Variants in IGSF3 observed in about 807,000 individuals in gnomAD.
IGSF3 encodes the protein immunoglobulin superfamily member 3.
Under a neutral mutation model 114.4 loss-of-function variants are expected in IGSF3, and 23 were observed. That is an observed-to-expected ratio of 0.20 (90% CI 0.14 to 0.28). IGSF3 has a LOEUF of 0.28. Ranked by LOEUF, IGSF3 falls within the 10% of genes least tolerant of loss-of-function variation. The pLI is 1.00. For synonymous variants in IGSF3, 571 were observed against 645.2 expected (o/e 0.88, Z 1.74); for missense variants, 1,172 against 1,591.5 (o/e 0.74, Z 4.48).
At position 116,644,866 on chromosome 1, in the gene IGSF3, G is replaced by A. The variant is rs113609013; in HGVS notation, c.43+21418C>T. On this transcript the variant is annotated intron_variant, in intron 2 of 10. Transcript: ENST00000369486. This position sits in a 1 kb window ranked among gnomAD's most constrained non-coding sequence, Gnocchi z 5.6. ...AGCAGCCAGTGACACTACGATATAG[G>A]GAAAAGAACCTAGATTAGGCATCAA... is the stretch of plus-strand genomic sequence containing the variant. Among the ~76,000 whole-genome samples the A allele has an allele frequency of 1.8e-3, 280 of 152,262 alleles. No individual in the cohort carries two copies. Among genetic ancestry groups the A allele is most frequent in the African/African-American group, 6.4e-3 (265 of 41,548 alleles).
At position 116,634,359 on chromosome 1, in the gene IGSF3, C is replaced by T. The variant is rs1165529367; in HGVS notation, c.44-17902G>A. Among the ~76,000 whole-genome samples the T allele has an allele frequency of 6.6e-6, 1 of 152,234 alleles. No homozygotes were observed. Among genetic ancestry groups the T allele is most frequent in the Non-Finnish European group, 1.5e-5 (1 of 68,040 alleles). ...GAGAACAACTAAAAAACAAGAGCCA[C>T]GTGTTCCCATGGTCCTGGCCAACCC... On this transcript the variant is annotated intron_variant, in intron 2 of 10. Transcript: ENST00000369486. This position sits in a 1 kb window ranked among gnomAD's most constrained non-coding sequence, Gnocchi z 4.2.
At position 116,594,862 on chromosome 1, in the gene IGSF3, C is replaced by T. The variant is rs1220391537; in HGVS notation, c.2029+5079G>A. Among the ~76,000 whole-genome samples the T allele has an allele frequency of 6.6e-6, 1 of 152,078 alleles. No homozygotes were observed. Among genetic ancestry groups the T allele is most frequent in the Non-Finnish European group, 1.5e-5 (1 of 68,018 alleles). ...CTGAGCCTGAAATGCTCCACTCCTC[C>T]TTCCCAACCTCCCACCCTCACCCCT... On this transcript the variant is annotated intron_variant, in intron 7 of 10. Transcript: ENST00000369486. The surrounding 1 kb of genome is among the most constrained non-coding windows in gnomAD (Gnocchi z 5.2).
chr1:116,597,576 C>G (rs1440084083), intron 7 of IGSF3, among the ~76,000 whole-genome samples: 1 of 152,186 alleles, frequency 6.6e-6, no homozygotes, highest in Non-Finnish European at 1.5e-5. Context: ...GGCCTCTTAA[C>G]AGCCCAAGTA....
intron 1 of IGSF3, 73 bp from the exon 2 acceptor site, chr1:116,667,029 G>C (rs996873402): frequency 5.1e-6 from 2 of 395,194 alleles, no homozygotes; most frequent in African/African-American, 4.1e-5. Flanking sequence ...CGCTGAGCTG[G>C]TCCGGACACC....
At position 116,599,943 on chromosome 1, in the gene IGSF3, G is replaced by A; in HGVS notation, c.2027C>T (p.Pro676Leu). The A allele has an allele frequency of 6.2e-7, 1 of 1,609,374 alleles. No homozygotes were observed. ...SNLLEIRVLQ[P>L]VTKLQVSKSK... The stretch of plus-strand genomic sequence containing the variant: ...GCCCACAGGTCCGCAGCACTCACCT[G>A]GCTGCAGCACCCTGATCTCCAGCAG... Residue 676 changes from proline (P) to leucine (L), a missense_variant and splice_region_variant, in exon 7 of 11, where the codon CCA becomes CTA. By Grantham distance (98) the Pro-to-Leu change is moderately conservative. Coordinates refer to ENST00000369486, the MANE Select transcript of IGSF3 (RefSeq NM_001007237.3).
In IGSF3 at chr1:116,624,801, G is replaced by T. The variant is rs1013909060; in HGVS notation, c.44-8344C>A. Reference sequence around the variant, plus strand: ...TGAACCACCACATAAGACAGCCAACGGTCCTGAGGCCATGCTGTGAGGGGG... The same window carrying T: ...TGAACCACCACATAAGACAGCCAACTGTCCTGAGGCCATGCTGTGAGGGGG... On this transcript the variant is annotated intron_variant, in intron 2 of 10. Transcript: ENST00000369486. The surrounding 1 kb of genome is among the most constrained non-coding windows in gnomAD (Gnocchi z 4.9). Among the ~76,000 whole-genome samples the T allele has an allele frequency of 6.6e-6, 1 of 152,172 alleles. No individual in the cohort carries two copies. The highest frequency in any genetic ancestry group is 2.4e-5 in the African/African-American group (1 of 41,432).
rs746936519 is a variant in IGSF3, at chr1:116,579,841, G to A, written c.2885C>T (p.Ala962Val). The A allele has an allele frequency of 3.1e-6, 5 of 1,611,616 alleles. No individual in the cohort carries two copies. In the Admixed American group the frequency reaches 5.0e-5, roughly 16 times the overall value. Residue 962 changes from alanine (A) to valine (V), a missense_variant, in exon 10 of 11, where the codon GCC becomes GTC. Ala to Val is a moderately conservative substitution (Grantham distance 64). Around this residue, in one of 3 missense-constraint regions of IGSF3, gnomAD observed 423 missense variants for 509.8 expected, o/e 0.83. Transcript: ENST00000369486. This position sits in a 1 kb window ranked among gnomAD's most constrained non-coding sequence, Gnocchi z 6.4. Reference sequence around the variant, plus strand: ...GAAAGCTGCCTTCTCAGAGACCGTGGCATTGGGGACCACTGTGTCCACCTG... The same window carrying A: ...GAAAGCTGCCTTCTCAGAGACCGTGACATTGGGGACCACTGTGTCCACCTG... ...SLQVDTVVPN[A>V]TVSEKAAFQL...
intron 2 of IGSF3, among the ~76,000 whole-genome samples, chr1:116,652,965 A>G (rs1571193367): frequency 6.6e-6 from 1 of 152,174 alleles, no homozygotes; most frequent in South Asian, 2.1e-4. Context: ...CTCTCTTGAC[A>G]TGGTAAATGA....
At chr1:116,659,461 T>G (rs1649019553) in intron 2 of IGSF3, among the ~76,000 whole-genome samples, 1 of 152,198 alleles carries the variant, frequency 6.6e-6, no homozygotes, top group South Asian at 2.1e-4. Flanking sequence ...CACTCATTTC[T>G]TTGAAAATCA....
At position 116,598,125 on chromosome 1, in the gene IGSF3, C is replaced by A. The variant is rs1242321651; in HGVS notation, c.2029+1816G>T. On this transcript the variant is annotated intron_variant, in intron 7 of 10. Coordinates refer to ENST00000369486, the MANE Select transcript of IGSF3 (RefSeq NM_001007237.3). This position sits in a 1 kb window ranked among gnomAD's most constrained non-coding sequence, Gnocchi z 4.3. ...GATTCCAAGTAGTACCAGAAACAGG[C>A]AAATACTAGGGATGTATTCAAAAAG... Among the ~76,000 whole-genome samples the A allele has an allele frequency of 3.3e-5, 5 of 152,130 alleles. No individual in the cohort carries two copies. In the East Asian group the frequency reaches 9.6e-4, roughly 29 times the overall value.
chr1:116,620,572 G>A (rs1661385527), intron 2 of IGSF3, among the ~76,000 whole-genome samples: 1 of 152,158 alleles, frequency 6.6e-6, no homozygotes, highest in South Asian at 2.1e-4. Flanking sequence ...CCAGGGCTAG[G>A]TCATAAAAAG....
In IGSF3 at chr1:116,628,432, A is replaced by C. The variant is rs1299479218; in HGVS notation, c.44-11975T>G. ...TTTAACCAGGCCCCCAGAGTTGTAG[A>C]TTTTGGGGTCATTTACAATGTGCAT... On this transcript the variant is annotated intron_variant, in intron 2 of 10. Transcript: ENST00000369486. This position sits in a 1 kb window ranked among gnomAD's most constrained non-coding sequence, Gnocchi z 4.2. Among the ~76,000 whole-genome samples, 1 of 151,986 alleles carries C rather than the reference A, an allele frequency of 6.6e-6. No homozygotes were observed. Among genetic ancestry groups the C allele is most frequent in the Non-Finnish European group, 1.5e-5 (1 of 68,004 alleles).
chr1:116,602,004 G>C (rs754203322), intron 6 of IGSF3, among the ~76,000 whole-genome samples: 1 of 152,246 alleles, frequency 6.6e-6, no homozygotes, highest in Non-Finnish European at 1.5e-5. Flanking sequence ...ACTGTAATTA[G>C]ATGGGACCCG....
chr1:116,636,630 G>A lies in IGSF3; in HGVS notation c.44-20173C>T, dbSNP rs2101047528. Among the ~76,000 whole-genome samples, 1 of 152,226 alleles carries A rather than the reference G, an allele frequency of 6.6e-6. No individual in the cohort carries two copies. The highest frequency in any genetic ancestry group is 1.9e-4 in the East Asian group (1 of 5,176). On this transcript the variant is annotated intron_variant, in intron 2 of 10. Transcript: ENST00000369486. This position sits in a 1 kb window ranked among gnomAD's most constrained non-coding sequence, Gnocchi z 4.5. ...GATCTGTCTAGCCCTTCTACACCAGGAGCGAGGCCTGAAAAGCTGCATGAC... is the reference window on the plus strand; with the variant it reads ...GATCTGTCTAGCCCTTCTACACCAGAAGCGAGGCCTGAAAAGCTGCATGAC...
chr1:116,664,991 C>T lies in IGSF3; in HGVS notation c.43+1293G>A, dbSNP rs980308483. Among the ~76,000 whole-genome samples the T allele has an allele frequency of 1.3e-5, 2 of 152,282 alleles. No individual in the cohort carries two copies. Among genetic ancestry groups the T allele is most frequent in the South Asian group, 4.1e-4 (2 of 4,822 alleles). On this transcript the variant is annotated intron_variant, in intron 2 of 10. Coordinates refer to ENST00000369486, the MANE Select transcript of IGSF3 (RefSeq NM_001007237.3). The surrounding 1 kb of genome is among the most constrained non-coding windows in gnomAD (Gnocchi z 4.6). ...TTCCCCAGTGATTCCAACATGCACA[C>T]GAGAGTTTGAGAACCACTGATTGCA...
intron 2 of IGSF3, among the ~76,000 whole-genome samples, chr1:116,652,906 C>A (rs926206327): frequency 6.6e-6 from 1 of 152,146 alleles, no homozygotes; most frequent in Non-Finnish European, 1.5e-5. Context: ...TCTCTGTACC[C>A]GTACGGAGAT....
At chr1:116,621,897 C>T (rs1488104783) in intron 2 of IGSF3, among the ~76,000 whole-genome samples, 2 of 152,178 alleles carry the variant, frequency 1.3e-5, no homozygotes, top group East Asian at 1.9e-4. Flanking sequence ...CAAAGATGCT[C>T]CCACTTTTTC....
rs751952408 is a variant in IGSF3, at chr1:116,577,448, T to C, written c.3449A>G (p.Lys1150Arg). 1.6e-5 allele frequency: 26 copies of C among 1,614,140 alleles called. No individual in the cohort carries two copies. The highest frequency in any genetic ancestry group is 2.2e-5 in the Non-Finnish European group (26 of 1,180,028). ...LIITILLVRFKSRNSSKNSDG... is the reference protein window; with the variant it reads ...LIITILLVRFRSRNSSKNSDG... ...AGAGTTCTTGCTGGAGTTCCGGCTC[T>C]TGAAACGCACCAGAAGGATGGTGAT... The change falls in exon 11 of 11, where the codon AAG becomes AGG. Residue 1150 changes from lysine to arginine, a missense_variant. By Grantham distance (26) the Lys-to-Arg change is conservative. This residue lies in a region of IGSF3 where 423 missense variants were observed against 509.8 expected (regional missense o/e 0.83). Coordinates refer to ENST00000369486, the MANE Select transcript of IGSF3 (RefSeq NM_001007237.3). This position sits in a 1 kb window ranked among gnomAD's most constrained non-coding sequence, Gnocchi z 5.7.
chr1:116,659,458 T>C (rs1001909453), intron 2 of IGSF3, among the ~76,000 whole-genome samples: 3 of 152,180 alleles, frequency 2.0e-5, no homozygotes, highest in Non-Finnish European at 4.4e-5. Flanking sequence ...AACCACTCAT[T>C]TCTTTGAAAA....
Sources: gnomAD v4.1 joint callset for allele counts (sites outside exome capture counted in the v4.1 genomes callset) on GRCh38, gnomAD v4.1.1 for gene constraint, gnomAD v4.1.1 regional missense constraint, Gnocchi (gnomAD v3.1) non-coding constraint, MANE v1.5 for transcripts, NCBI Gene and HGNC (gene_info 2026-07-23, HGNC 2026-07-21) for gene names.